Variants in CNTNAP2 observed in about 807,000 individuals in gnomAD.
CNTNAP2 encodes the protein contactin associated protein 2.
CNTNAP2 carries 98 observed loss-of-function variants against 155.2 expected under a neutral mutation model. That is an observed-to-expected ratio of 0.63 (90% CI 0.54 to 0.75). The LOEUF (loss-of-function observed/expected upper bound fraction) is 0.75, where lower values mean the gene tolerates loss of function less well. Ranked by LOEUF, CNTNAP2 falls within the 30% of genes least tolerant of loss-of-function variation. CNTNAP2 has a pLI of 0.00. For synonymous variants in CNTNAP2, 651 were observed against 631.2 expected, an observed-to-expected ratio of 1.03 and a Z score of -0.47; for missense variants, 1,727 against 1,688.1, an observed-to-expected ratio of 1.02 and a Z score of -0.40.
chr7:146,378,982 C>A (rs1171430016), intron 1 of CNTNAP2, among the ~76,000 whole-genome samples: 1 of 152,210 alleles, frequency 6.6e-6, no homozygotes. Context: ...TTGGTTTGAA[C>A]AACTAGAGCA....
chr7:147,932,595 A>G (rs1279511321), intron 14 of CNTNAP2, among the ~76,000 whole-genome samples: 1 of 152,202 alleles, frequency 6.6e-6, no homozygotes, highest in South Asian at 2.1e-4. Context: ...AAGACCTGAA[A>G]CTGTAAATCC....
intron 8 of CNTNAP2, among the ~76,000 whole-genome samples, chr7:147,295,402 C>G (rs562348549): frequency 2.0e-5 from 3 of 152,170 alleles, no homozygotes; most frequent in African/African-American, 7.2e-5. Context: ...AGCTCTAGAA[C>G]CAACTATGTC....
intron 1 of CNTNAP2, among the ~76,000 whole-genome samples, chr7:146,136,568 G>A (rs1301465780): frequency 6.6e-6 from 1 of 152,056 alleles, no homozygotes; most frequent in South Asian, 2.1e-4. Context: ...GGGGCACCAG[G>A]GGTGGTAGAG....
At chr7:147,949,174 T>C (rs1032299818) in intron 14 of CNTNAP2, among the ~76,000 whole-genome samples, 2 of 150,956 alleles carry the variant, frequency 1.3e-5, no homozygotes, top group Non-Finnish European at 2.9e-5. Context: ...CACTCCAGCC[T>C]GGGCAATAAG....
intron 3 of CNTNAP2, among the ~76,000 whole-genome samples, chr7:146,902,240 G>C (rs1796019175): frequency 6.6e-6 from 1 of 152,058 alleles, no homozygotes; most frequent in Admixed American, 6.5e-5. Context: ...AGTGAGTGTA[G>C]GGGAGATTGT....
chr7:148,045,169 G>A (rs367770221), intron 15 of CNTNAP2, among the ~76,000 whole-genome samples: 14 of 152,260 alleles, frequency 9.2e-5, no homozygotes, highest in Admixed American at 3.3e-4. Flanking sequence ...AGGGCAGCCT[G>A]CCTCTCAGGG....
chr7:147,443,565 A>T (rs1223644086), intron 10 of CNTNAP2, among the ~76,000 whole-genome samples: 1 of 152,102 alleles, frequency 6.6e-6, no homozygotes, highest in African/African-American at 2.4e-5. Context: ...CTCTCTGTAG[A>T]TAGTTGTTAA....
intron 2 of CNTNAP2, among the ~76,000 whole-genome samples, chr7:146,834,949 G>A (rs1236077831): frequency 1.3e-5 from 2 of 152,094 alleles, no homozygotes; most frequent in Non-Finnish European, 2.9e-5. Context: ...ATAGACCAAA[G>A]AGAAAAAGGG....
chr7:147,299,582 ATAAAC>A (rs1157666334), intron 8 of CNTNAP2, among the ~76,000 whole-genome samples: 2 of 152,168 alleles, frequency 1.3e-5, no homozygotes, highest in African/African-American at 4.8e-5. Flanking sequence ...CTTAATTTCT[ATAAAC>A]TATACTTACC....
chr7:147,595,018 G>C (rs554751144), intron 12 of CNTNAP2, among the ~76,000 whole-genome samples: 81 of 152,256 alleles, frequency 5.3e-4, no homozygotes, highest in African/African-American at 1.9e-3. Flanking sequence ...GGATAGCAGA[G>C]AGAGGAACAA....
At chr7:147,388,175 C>A (rs1005687771) in intron 9 of CNTNAP2, among the ~76,000 whole-genome samples, 1 of 152,000 alleles carries the variant, frequency 6.6e-6, no homozygotes, top group African/African-American at 2.4e-5. Flanking sequence ...ATTTTGTATG[C>A]AAATTGCCCT....
At chr7:147,643,569 A>G (rs1795320432) in intron 13 of CNTNAP2, 1 of 152,200 alleles carries the variant, frequency 6.6e-6, no homozygotes, top group Non-Finnish European at 1.5e-5. Context: ...CCTTCATGGT[A>G]ACATTCAATT....
At chr7:148,412,507 C>G (rs1220872491) in intron 23 of CNTNAP2, among the ~76,000 whole-genome samples, 2 of 152,248 alleles carry the variant, frequency 1.3e-5, no homozygotes, top group Non-Finnish European at 2.9e-5. Flanking sequence ...CTAAGTGTCT[C>G]TCTCTGGCAT....
intron 1 of CNTNAP2, among the ~76,000 whole-genome samples, chr7:146,382,813 C>T (rs6963627): frequency 0.54 from 81,636 of 151,878 alleles, 25,498 homozygotes; most frequent in African/African-American, 0.87. Flanking sequence ...TGAGTTATGA[C>T]TAACCGAGAA....
chr7:147,910,643 G>A (rs915197810), intron 14 of CNTNAP2, among the ~76,000 whole-genome samples: 1 of 152,154 alleles, frequency 6.6e-6, no homozygotes, highest in African/African-American at 2.4e-5. Context: ...ATGGCAGAAG[G>A]CAGAGGGAAA....
intron 1 of CNTNAP2, among the ~76,000 whole-genome samples, chr7:146,599,592 C>T (rs531367492): frequency 6.9e-6 from 1 of 145,076 alleles, no homozygotes; most frequent in African/African-American, 2.8e-5. Context: ...TTCCCCGCCG[C>T]CCATAATTCT....
intron 4 of CNTNAP2, chr7:147,081,151 T>C (rs1800116521): frequency 6.6e-6 from 1 of 152,104 alleles, no homozygotes; most frequent in Admixed American, 6.6e-5. Flanking sequence ...GTCTTTGTGA[T>C]TTCAGGTAGT....
At chr7:148,408,538 A>G (rs2116713038) in intron 22 of CNTNAP2, among the ~76,000 whole-genome samples, 1 of 152,354 alleles carries the variant, frequency 6.6e-6, no homozygotes, top group Non-Finnish European at 1.5e-5. Context: ...ATTGTACCAA[A>G]TAAGTACTTC....
intron 1 of CNTNAP2, among the ~76,000 whole-genome samples, chr7:146,540,731 C>T (rs1380496849): frequency 6.6e-6 from 1 of 152,048 alleles, no homozygotes; most frequent in African/African-American, 2.4e-5. Flanking sequence ...GCATGCAGTA[C>T]TGCTCTTTGA....
Sources: allele counts gnomAD v4.1 joint callset (sites outside exome capture counted in the v4.1 genomes callset), GRCh38; gene constraint gnomAD v4.1.1; transcripts MANE v1.5; gene names NCBI Gene and HGNC (gene_info 2026-07-23, HGNC 2026-07-21).